The following EIF2AK3 variants were observed in gnomAD, a reference collection of about 807,000 sequenced individuals.
EIF2AK3 encodes eukaryotic translation initiation factor 2-alpha kinase 3.
Under a neutral mutation model 113.5 loss-of-function variants are expected in EIF2AK3, and 50 were observed. That is an observed-to-expected ratio of 0.44 (90% CI 0.35 to 0.56). EIF2AK3 has a LOEUF of 0.56. EIF2AK3 is among the 20% of genes least tolerant of loss of function. The pLI, the probability that EIF2AK3 is intolerant of heterozygous loss-of-function variation, is 0.00. For synonymous variants in EIF2AK3, 448 were observed against 495.4 expected, an observed-to-expected ratio of 0.90 and a Z score of 1.27; for missense variants, 1,185 against 1,378.0, an observed-to-expected ratio of 0.86 and a Z score of 2.22.
chr2:88,588,779 T>C lies in EIF2AK3; in HGVS notation c.1288A>G (p.Lys430Glu), dbSNP rs1486242692. 1 of 1,613,778 alleles carries C rather than the reference T, an allele frequency of 6.2e-7. No homozygotes were observed. Among genetic ancestry groups the C allele is most frequent in the Admixed American group, 1.7e-5 (1 of 60,012 alleles). ...ENAIIPLPTI[K>E]WKPLIHSPSR... is the part of the protein sequence containing the mutation. The stretch of plus-strand genomic sequence containing the variant: ...CACTTACGAATTAAGGGTTTCCATT[T>C]GATTGTTGGTAAAGGAATAATTGCG... The change falls in exon 7 of 17, where the codon AAA becomes GAA. Residue 430 changes from lysine to glutamate, a missense_variant. Coordinates refer to ENST00000303236, the MANE Select transcript of EIF2AK3 (RefSeq NM_004836.7).
At position 88,557,046 on chromosome 2, in the gene EIF2AK3, T is replaced by C; in HGVS notation, c.*690A>G. ...GTTGTAATATATATGATCCATTTCT[T>C]ACTACGGCTTTTTTCCTCCCAAAAC... On this transcript the variant is annotated 3_prime_UTR_variant, in exon 17 of 17. Transcript: ENST00000303236. 1 of 152,600 alleles carries C rather than the reference T, an allele frequency of 6.6e-6. No homozygotes were observed. The allele number at this position is 152,600 out of a possible 1,614,324, so 9.5% of individuals were successfully genotyped here.
At chr2:88,610,390 A>G (rs959724278) in intron 2 of EIF2AK3, among the ~76,000 whole-genome samples, 1 of 152,212 alleles carries the variant, frequency 6.6e-6, no homozygotes, top group South Asian at 2.1e-4. Context: ...GTTCATTGAT[A>G]TGGTTTCTGA....
intron 2 of EIF2AK3, among the ~76,000 whole-genome samples, chr2:88,606,476 A>G (rs1573416670): frequency 6.6e-6 from 1 of 152,228 alleles, no homozygotes; most frequent in Admixed American, 6.5e-5. Flanking sequence ...AAGAAAAGCA[A>G]TTAACCCAGG....
In EIF2AK3 at chr2:88,590,734, G is replaced by C. The variant is rs1674866532; in HGVS notation, c.1002+84C>G. The C allele has an allele frequency of 2.6e-6, 4 of 1,568,338 alleles. No homozygotes were observed. In the South Asian group the frequency reaches 4.5e-5, roughly 18 times the overall value. On this transcript the variant is annotated intron_variant, in intron 5 of 16. Coordinates refer to ENST00000303236, the MANE Select transcript of EIF2AK3 (RefSeq NM_004836.7). ...AACAAGCTGAGAGCCCCAAGTAGTA[G>C]TAATTTCGTTCCACCCAATCAATAA... is the stretch of plus-strand genomic sequence containing the variant.
intron 10 of EIF2AK3, among the ~76,000 whole-genome samples, chr2:88,581,065 G>A (rs1313485069): frequency 6.6e-6 from 1 of 152,096 alleles, no homozygotes; most frequent in African/African-American, 2.4e-5. Flanking sequence ...CCCTAGAAAT[G>A]TAAGTATCAT....
At chr2:88,587,303 G>C (rs1025693772) in intron 8 of EIF2AK3, among the ~76,000 whole-genome samples, 8 of 148,600 alleles carry the variant, frequency 5.4e-5, no homozygotes, top group African/African-American at 2.0e-4. Flanking sequence ...TAACTTTCCA[G>C]TGCTAACATC....
Position 88,609,025 on chromosome 2 carries a change from C to T in EIF2AK3, c.438+4699G>A, listed in dbSNP as rs557361826. On this transcript the variant is annotated intron_variant, in intron 2 of 16. Transcript: ENST00000303236. The stretch of plus-strand genomic sequence containing the variant: ...CTGGGATTACAGGTGTGAGCCACCG[C>T]GCCCGGCCTTGATGATCCTTTTGTG... 1.6e-4 allele frequency among the ~76,000 whole-genome samples: 24 copies of T among 151,684 alleles called. 1 individual carries two copies. The South Asian group carries it at 4.8e-3, about 30-fold the overall frequency.
chr2:88,594,233 C>G (rs1055553055), intron 3 of EIF2AK3, among the ~76,000 whole-genome samples: 1 of 152,248 alleles, frequency 6.6e-6, no homozygotes, highest in Admixed American at 6.5e-5. Flanking sequence ...TGTATATAAA[C>G]CGTTTACACG....
chr2:88,627,963 G>A (rs1438557552), upstream of EIF2AK3: 4 of 152,346 alleles, frequency 2.6e-5, no homozygotes, highest in Non-Finnish European at 5.9e-5. Flanking sequence ...TAAAGGAGCT[G>A]GTATTGTAGC....
At chr2:88,617,290 C>T (rs992011385) in intron 1 of EIF2AK3, among the ~76,000 whole-genome samples, 6 of 152,156 alleles carry the variant, frequency 3.9e-5, no homozygotes, top group African/African-American at 7.2e-5. Context: ...TACATATATA[C>T]CATAGAATAC....
intron 9 of EIF2AK3, among the ~76,000 whole-genome samples, chr2:88,584,827 G>A (rs982029650): frequency 1.3e-5 from 2 of 152,092 alleles, no homozygotes; most frequent in Non-Finnish European, 2.9e-5. Flanking sequence ...GCGAGAGCAC[G>A]GTCTACAGGA....
chr2:88,557,565 C>T lies in EIF2AK3; in HGVS notation c.*171G>A. The T allele has an allele frequency of 1.4e-6, 1 of 704,072 alleles. No individual in the cohort carries two copies. Among genetic ancestry groups the T allele is most frequent in the Non-Finnish European group, 2.5e-6 (1 of 404,968 alleles). The allele number at this position is 704,072 out of a possible 1,614,324, so 43.6% of individuals were successfully genotyped here. A position where few individuals can be genotyped will look rare whatever the true frequency, so the allele number is the denominator to read the frequency against. Reference sequence around the variant, plus strand: ...AAGTATAGCAAAACTCAGGAGTTGGCTCAAATTAGGTTATGCCCCCAAATC... The same window carrying T: ...AAGTATAGCAAAACTCAGGAGTTGGTTCAAATTAGGTTATGCCCCCAAATC... On this transcript the variant is annotated 3_prime_UTR_variant, in exon 17 of 17. Transcript: ENST00000303236.
chr2:88,627,501 G>A (rs1675903830), upstream of EIF2AK3: 3 of 482,036 alleles, frequency 6.2e-6, no homozygotes, highest in East Asian at 3.7e-5. Flanking sequence ...CTTTCCGCGC[G>A]TTTGCTCTCT....
chr2:88,581,943 C>G (rs1674610164), intron 10 of EIF2AK3, among the ~76,000 whole-genome samples: 1 of 152,126 alleles, frequency 6.6e-6, no homozygotes, highest in Admixed American at 6.5e-5. Context: ...GCTGGATATG[C>G]TCTGAATCAG....
intron 14 of EIF2AK3, among the ~76,000 whole-genome samples, chr2:88,567,428 A>G (rs1337779472): frequency 6.6e-6 from 1 of 152,198 alleles, no homozygotes; most frequent in Non-Finnish European, 1.5e-5. Flanking sequence ...TAGCTACATC[A>G]AGTACAAATC....
chr2:88,578,507 AC>A (rs1674519745), intron 11 of EIF2AK3, among the ~76,000 whole-genome samples: 1 of 152,096 alleles, frequency 6.6e-6, no homozygotes, highest in African/African-American at 2.4e-5. Flanking sequence ...ACATAGTGAA[AC>A]CCCATCTCTA....
At chr2:88,621,896 ATT>A (rs34216518) in intron 1 of EIF2AK3, among the ~76,000 whole-genome samples, 5 of 133,260 alleles carry the variant, frequency 3.8e-5, no homozygotes, top group Non-Finnish European at 3.1e-5. Flanking sequence ...TTATTCTATA[ATT>A]TTTTTTTTTT....
intron 2 of EIF2AK3, among the ~76,000 whole-genome samples, chr2:88,612,843 A>G (rs576263333): frequency 1.3e-4 from 20 of 152,304 alleles, no homozygotes; most frequent in African/African-American, 4.6e-4. Context: ...AAAAGAGAAA[A>G]AAGACTACCC....
At chr2:88,608,778 A>T (rs1207013170) in intron 2 of EIF2AK3, among the ~76,000 whole-genome samples, 3 of 129,106 alleles carry the variant, frequency 2.3e-5, no homozygotes, top group African/African-American at 9.1e-5. Flanking sequence ...GTGTGACCTG[A>T]CTCACCGCAA....
Sources: allele counts gnomAD v4.1 joint callset (sites outside exome capture counted in the v4.1 genomes callset), GRCh38; gene constraint gnomAD v4.1.1; transcripts MANE v1.5; gene names NCBI Gene and HGNC (gene_info 2026-07-23, HGNC 2026-07-21).